The following ECT2 variants were observed in gnomAD, a reference collection of about 807,000 sequenced individuals.
ECT2 encodes epithelial cell transforming 2.
A neutral mutation model predicts 116.9 loss-of-function variants in ECT2; 61 were observed. The ratio of observed to expected loss-of-function variants is 0.52; its 90% confidence interval spans 0.42 to 0.65. The LOEUF is 0.65. Among genes scored for constraint, ECT2 ranks in the 30% least tolerant of loss-of-function variants. ECT2 has a pLI of 0.00. For missense variants in ECT2, 937 were observed against 1,078.7 expected (o/e 0.87, Z 1.84); for synonymous variants, 358 against 346.4 (o/e 1.03, Z -0.37).
intron 18 of ECT2, among the ~76,000 whole-genome samples, chr3:172,800,897 C>T (rs998821439): frequency 1.8e-4 from 28 of 152,260 alleles, no homozygotes; most frequent in African/African-American, 6.3e-4. Flanking sequence ...GTTACAGATA[C>T]AATCAAATCT....
At chr3:172,822,043 C>G (rs1730720791), downstream of ECT2, among the ~76,000 whole-genome samples, 1 of 151,714 alleles carries the variant, frequency 6.6e-6, no homozygotes, top group Admixed American at 6.6e-5. Context: ...ATTAACTTCT[C>G]TATTGAGAAA....
At chr3:172,806,143 A>T in intron 21 of ECT2, 1 of 251,434 alleles carries the variant, frequency 4.0e-6, no homozygotes, top group Non-Finnish European at 7.7e-6. Context: ...GTATTAAAAT[A>T]GCACCCTAGC....
chr3:172,800,551 A>G (rs1241743570), intron 18 of ECT2, among the ~76,000 whole-genome samples: 1 of 152,202 alleles, frequency 6.6e-6, no homozygotes, highest in Admixed American at 6.5e-5. Context: ...CTTCCCCAAT[A>G]AAAAGTAAAA....
At position 172,764,495 on chromosome 3, in the gene ECT2, A is replaced by G. The variant is rs374930176; in HGVS notation, c.1286A>G (p.Tyr429Cys). ...ISNTPESSINYGDTPKSCTKS... is the reference protein window; with the variant it reads ...ISNTPESSINCGDTPKSCTKS... ...AACACACCAGAGTCTAGCATTAACT[A>G]TGGAGGTAATTCACATTCTTAAAAA... Residue 429 changes from tyrosine (Y) to cysteine (C), a missense_variant, in exon 12 of 25, where the codon TAT (tyrosine) becomes TGT (cysteine). Coordinates refer to ENST00000392692, the MANE Select transcript of ECT2 (RefSeq NM_001258315.2). 10 of 1,612,218 alleles carry G rather than the reference A, an allele frequency of 6.2e-6. No homozygotes were observed. The highest frequency in any genetic ancestry group is 3.3e-5 in the Admixed American group (2 of 59,968).
chr3:172,820,054 A>T (rs1730482558), intron 24 of ECT2, 94 bp from the exon 25 acceptor site: 2 of 817,602 alleles, frequency 2.4e-6, no homozygotes, highest in African/African-American at 3.6e-5. Flanking sequence ...AGTAATTTGT[A>T]AAATGTAAAA....
intron 18 of ECT2, among the ~76,000 whole-genome samples, chr3:172,795,072 C>A (rs1725373002): frequency 6.6e-6 from 1 of 152,054 alleles, no homozygotes; most frequent in Non-Finnish European, 1.5e-5. Flanking sequence ...CTTTTAATTT[C>A]TTTCAACTAT....
intron 12 of ECT2, among the ~76,000 whole-genome samples, chr3:172,765,542 C>A (rs1475393895): frequency 6.6e-6 from 1 of 152,094 alleles, no homozygotes; most frequent in Non-Finnish European, 1.5e-5. Context: ...ACTCTTAATT[C>A]CTCTGTTCCT....
At chr3:172,809,078 T>C (rs1246922101) in intron 22 of ECT2, among the ~76,000 whole-genome samples, 1 of 152,134 alleles carries the variant, frequency 6.6e-6, no homozygotes, top group Non-Finnish European at 1.5e-5. Context: ...GTAAGGTTTT[T>C]TTTTGTAGGT....
chr3:172,795,440 A>G (rs1225583740), intron 18 of ECT2, among the ~76,000 whole-genome samples: 1 of 152,184 alleles, frequency 6.6e-6, no homozygotes, highest in Non-Finnish European at 1.5e-5. Context: ...TGGAGCTTTA[A>G]GTCCAGCCTA....
At chr3:172,788,668 A>T (rs1253623023) in intron 18 of ECT2, among the ~76,000 whole-genome samples, 1 of 152,268 alleles carries the variant, frequency 6.6e-6, no homozygotes, top group Non-Finnish European at 1.5e-5. Flanking sequence ...CTCAGGGCAT[A>T]TAAAAGTTAC....
At position 172,750,743 on chromosome 3, in the gene ECT2, G is replaced by C. The variant is rs1282612495; in HGVS notation, c.-137G>C. On this transcript the variant is annotated 5_prime_UTR_variant, in exon 1 of 25. Coordinates refer to ENST00000392692, the MANE Select transcript of ECT2 (RefSeq NM_001258315.2). ...CACGCGCCAATCGGCATGGCTCTTA[G>C]AGAGAGCAGCTTAGTTTTTGAATCG... is the stretch of plus-strand genomic sequence containing the variant. The C allele has an allele frequency of 1.3e-5, 2 of 152,816 alleles. No individual in the cohort carries two copies. Among genetic ancestry groups the C allele is most frequent in the Admixed American group, 6.5e-5 (1 of 15,286 alleles). 9.5% of individuals were successfully genotyped at this position (152,816 alleles called of 1,614,324 possible). A position where few individuals can be genotyped will look rare whatever the true frequency, so the allele number is the denominator to read the frequency against.
At chr3:172,812,793 A>C (rs1577038174) in intron 22 of ECT2, among the ~76,000 whole-genome samples, 1 of 152,144 alleles carries the variant, frequency 6.6e-6, no homozygotes, top group Non-Finnish European at 1.5e-5. Context: ...AATTCTATCA[A>C]ATAGTAGGTT....
rs75875117 is a variant in ECT2, at chr3:172,801,284, T to C, written c.1908-1332T>C. Reference sequence around the variant, plus strand: ...TGCAGTTAAGTAGCTTGCAAACAGTTTGATATTTTCATGTCTTACTCTTAA... The same window carrying C: ...TGCAGTTAAGTAGCTTGCAAACAGTCTGATATTTTCATGTCTTACTCTTAA... On this transcript the variant is annotated intron_variant, in intron 18 of 24. Transcript: ENST00000392692. 9.8e-3 allele frequency among the ~76,000 whole-genome samples: 1,495 copies of C among 152,336 alleles called. 29 individuals carry two copies. The highest frequency in any genetic ancestry group is 0.034 in the African/African-American group (1,397 of 41,576).
In ECT2 at chr3:172,754,500, T is replaced by G. The variant is rs949353523; in HGVS notation, c.-22-9T>G. The G allele has an allele frequency of 6.5e-7, 1 of 1,542,370 alleles. No homozygotes were observed. Among genetic ancestry groups the G allele is most frequent in the South Asian group, 1.3e-5 (1 of 78,924 alleles). ...TTTATGTATTTTTATTCAAATTTTA[T>G]TTTTTCAGCTGATTTAGAAGAATAC... On this transcript the variant is annotated splice_polypyrimidine_tract_variant and intron_variant, in intron 1 of 24. Coordinates refer to ENST00000392692, the MANE Select transcript of ECT2 (RefSeq NM_001258315.2).
downstream of ECT2, among the ~76,000 whole-genome samples, chr3:172,826,447 T>A (rs1730848278): frequency 6.6e-6 from 1 of 152,220 alleles, no homozygotes; most frequent in African/African-American, 2.4e-5. Context: ...CCCATGAGAC[T>A]CTTGAGTGCT....
chr3:172,821,847 T>TGATA (rs995635818), downstream of ECT2, among the ~76,000 whole-genome samples: 22 of 151,850 alleles, frequency 1.4e-4, no homozygotes, highest in Non-Finnish European at 3.0e-5. Flanking sequence ...AAGCTAGAAA[T>TGATA]GTATTGACTA....
chr3:172,815,523 A>T (rs540539951), intron 22 of ECT2, 81 bp from the exon 23 acceptor site: 3 of 796,018 alleles, frequency 3.8e-6, no homozygotes, highest in Admixed American at 2.6e-5. Flanking sequence ...AAATACTCCC[A>T]TATATAAATA....
rs1282612495 is a variant in ECT2 at position 172,750,743 on chromosome 3, G to A, written c.-137G>A. 1 of 152,816 alleles carries A rather than the reference G, an allele frequency of 6.5e-6. No homozygotes were observed. The highest frequency in any genetic ancestry group is 1.5e-5 in the Non-Finnish European group (1 of 68,176). The allele number at this position is 152,816 out of a possible 1,614,324, so 9.5% of individuals were successfully genotyped here. On this transcript the variant is annotated 5_prime_UTR_variant, in exon 1 of 25. Transcript: ENST00000392692. ...CACGCGCCAATCGGCATGGCTCTTA[G>A]AGAGAGCAGCTTAGTTTTTGAATCG...
intron 14 of ECT2, among the ~76,000 whole-genome samples, chr3:172,778,039 G>A (rs1024407993): frequency 2.0e-5 from 3 of 152,186 alleles, no homozygotes; most frequent in African/African-American, 7.2e-5. Flanking sequence ...TTGGCTTACT[G>A]TGCAATGAGC....
Sources: allele counts gnomAD v4.1 joint callset (sites outside exome capture counted in the v4.1 genomes callset), GRCh38; gene constraint gnomAD v4.1.1; transcripts MANE v1.5; gene names NCBI Gene and HGNC (gene_info 2026-07-23, HGNC 2026-07-21).